CDC42BPA: variants seen among roughly 807,000 people sequenced by gnomAD.
CDC42BPA encodes the protein CDC42 binding protein kinase alpha.
Under a neutral mutation model 223.5 loss-of-function variants are expected in CDC42BPA, and 80 were observed. That is an observed-to-expected ratio of 0.36 (90% CI 0.30 to 0.43). The LOEUF is 0.43. Ranked by LOEUF, CDC42BPA falls within the 20% of genes least tolerant of loss-of-function variation. The pLI is 1.00. For missense variants in CDC42BPA, 1,743 were observed against 2,099.9 expected, an observed-to-expected ratio of 0.83 and a Z score of 3.32; for synonymous variants, 694 against 718.6, an observed-to-expected ratio of 0.97 and a Z score of 0.55.
chr1:227,104,466 ATTC>A (rs1229566836), intron 14 of CDC42BPA, among the ~76,000 whole-genome samples: 2 of 152,158 alleles, frequency 1.3e-5, no homozygotes, highest in East Asian at 1.9e-4. Flanking sequence ...GTATGTGAAA[ATTC>A]TTCTTGAACT....
intron 29 of CDC42BPA, 22 bp from the exon 30 acceptor site, chr1:227,029,272 A>C: frequency 2.1e-6 from 3 of 1,437,892 alleles, no homozygotes; most frequent in South Asian, 1.3e-5. Context: ...AAGAATAATA[A>C]ATCAAAATAT....
At chr1:226,997,326 T>A (rs536196357) in intron 35 of CDC42BPA, among the ~76,000 whole-genome samples, 1 of 152,156 alleles carries the variant, frequency 6.6e-6, no homozygotes. Context: ...TTTTTTATTA[T>A]GTCTATTTGA....
At chr1:227,157,852 T>G (rs922940765) in intron 6 of CDC42BPA, among the ~76,000 whole-genome samples, 2 of 152,152 alleles carry the variant, frequency 1.3e-5, no homozygotes, top group Non-Finnish European at 2.9e-5. Flanking sequence ...TACTGTACTT[T>G]CTAATCGTAA....
At chr1:227,033,550 T>C (rs12031609) in intron 26 of CDC42BPA, 135 bp from the exon 27 acceptor site, 121,602 of 608,436 alleles carry the variant, frequency 0.2, 12,754 homozygotes, top group Middle Eastern at 0.28. Flanking sequence ...AAAAATTAAT[T>C]TTCCCCCATT....
chr1:227,192,753 T>C (rs543183916), intron 5 of CDC42BPA, among the ~76,000 whole-genome samples: 7 of 152,292 alleles, frequency 4.6e-5, no homozygotes, highest in African/African-American at 1.7e-4. Flanking sequence ...TTTTTAAATA[T>C]AAAGTATTAA....
intron 9 of CDC42BPA, among the ~76,000 whole-genome samples, chr1:227,141,589 A>G (rs1275512602): frequency 6.6e-6 from 1 of 152,198 alleles, no homozygotes; most frequent in Non-Finnish European, 1.5e-5. Context: ...GTTTGCCTCA[A>G]TCCTTTCAGT....
chr1:227,272,621 T>C (rs1197857150), intron 1 of CDC42BPA, among the ~76,000 whole-genome samples: 1 of 152,158 alleles, frequency 6.6e-6, no homozygotes, highest in Non-Finnish European at 1.5e-5. Context: ...GGGATCTCAC[T>C]ATGTTGCCCA....
chr1:227,025,758 CA>C lies in CDC42BPA; in HGVS notation c.4530+296del, dbSNP rs569450838. Among the ~76,000 whole-genome samples, 16 of 152,042 alleles carry C rather than the reference CA, an allele frequency of 1.1e-4. No homozygotes were observed. The South Asian group carries it at 3.1e-3, about 30-fold the overall frequency. On this transcript the variant is annotated intron_variant, in intron 31 of 36. Coordinates refer to ENST00000366766, the MANE Select transcript of CDC42BPA (RefSeq NM_001394014.1). ...TGTACTCTCTCAGAGCTCCTTAATCCAAAAGTAGAAGATAACACTGACATTT... is the reference window on the plus strand; with the variant it reads ...TGTACTCTCTCAGAGCTCCTTAATCCAAAGTAGAAGATAACACTGACATTT...
intron 5 of CDC42BPA, 39 bp downstream of exon 5, chr1:227,193,747 T>C (rs982699446): frequency 2.7e-6 from 4 of 1,501,144 alleles, no homozygotes; most frequent in Non-Finnish European, 3.6e-6. Flanking sequence ...AGATATTACA[T>C]GGTAACTCAC....
At chr1:227,196,505 A>C (rs958133433) in intron 4 of CDC42BPA, among the ~76,000 whole-genome samples, 1 of 151,580 alleles carries the variant, frequency 6.6e-6, no homozygotes, top group Non-Finnish European at 1.5e-5. Flanking sequence ...ACACCCGGCT[A>C]ATTTTTTGTA....
chr1:227,251,670 C>T (rs1682034212), intron 2 of CDC42BPA, among the ~76,000 whole-genome samples: 2 of 151,956 alleles, frequency 1.3e-5, no homozygotes. Flanking sequence ...GAGTTAATCA[C>T]CAGGAAGATA....
intron 12 of CDC42BPA, among the ~76,000 whole-genome samples, chr1:227,119,289 T>G (rs1688258960): frequency 6.6e-6 from 1 of 152,112 alleles, no homozygotes; most frequent in Admixed American, 6.5e-5. Flanking sequence ...AATAAATTTT[T>G]TTGATGTTTA....
At chr1:227,308,644 TAA>T (rs1411478100) in intron 1 of CDC42BPA, among the ~76,000 whole-genome samples, 1 of 152,128 alleles carries the variant, frequency 6.6e-6, no homozygotes, top group African/African-American at 2.4e-5. Context: ...CCATTTTTCA[TAA>T]AGAGACATAG....
intron 32 of CDC42BPA, among the ~76,000 whole-genome samples, chr1:227,022,087 A>C (rs773525895): frequency 6.6e-6 from 1 of 152,116 alleles, no homozygotes; most frequent in Non-Finnish European, 1.5e-5. Context: ...AAACATTTTA[A>C]TGTGTTTTCT....
chr1:227,208,865 T>G (rs1352165965), intron 3 of CDC42BPA, among the ~76,000 whole-genome samples: 1 of 152,124 alleles, frequency 6.6e-6, no homozygotes, highest in Non-Finnish European at 1.5e-5. Context: ...ATATGAACTT[T>G]AAAGTAGTTT....
intron 12 of CDC42BPA, among the ~76,000 whole-genome samples, chr1:227,114,462 A>G (rs2149403332): frequency 6.6e-6 from 1 of 152,060 alleles, no homozygotes; most frequent in East Asian, 1.9e-4. Flanking sequence ...CAGGAAAAAA[A>G]AAAAAAAGAT....
intron 15 of CDC42BPA, among the ~76,000 whole-genome samples, chr1:227,093,530 G>A (rs1683451456): frequency 6.6e-6 from 1 of 152,124 alleles, no homozygotes; most frequent in South Asian, 2.1e-4. Context: ...ACTCCAGACT[G>A]AGTGTCACCA....
intron 5 of CDC42BPA, among the ~76,000 whole-genome samples, chr1:227,186,440 C>G (rs182450471): frequency 6.6e-6 from 1 of 152,210 alleles, no homozygotes; most frequent in East Asian, 1.9e-4. Context: ...CAGAGACTAA[C>G]CTACCAGAAG....
chr1:227,059,469 C>A, intron 21 of CDC42BPA: 1 of 1,399,878 alleles, frequency 7.1e-7, no homozygotes, highest in Admixed American at 2.0e-5. Flanking sequence ...ATAAGACTCT[C>A]AAGGACTACT....
Sources: gnomAD v4.1 joint callset for allele counts (sites outside exome capture counted in the v4.1 genomes callset) on GRCh38, gnomAD v4.1.1 for gene constraint, MANE v1.5 for transcripts, NCBI Gene and HGNC (gene_info 2026-07-23, HGNC 2026-07-21) for gene names.